Variants in SEMA3A observed in about 807,000 individuals in gnomAD.
The protein encoded by SEMA3A is semaphorin 3A.
In SEMA3A, 29 loss-of-function variants were observed where a neutral mutation model predicts 97.9. The observed-to-expected ratio is 0.30, with a 90% CI of 0.22 to 0.40. SEMA3A has a LOEUF of 0.40. Among genes scored for constraint, SEMA3A ranks in the 10% least tolerant of loss-of-function variants. The pLI, the probability that SEMA3A is intolerant of heterozygous loss-of-function variation, is 1.00. For synonymous variants in SEMA3A, 321 were observed against 323.7 expected (o/e 0.99, Z 0.09); for missense variants, 763 against 951.3 (o/e 0.80, Z 2.60).
chr7:84,032,891 TA>T (rs1362021100), intron 6 of SEMA3A, among the ~76,000 whole-genome samples: 60 of 151,948 alleles, frequency 3.9e-4, no homozygotes, highest in Non-Finnish European at 1.3e-4. Context: ...TACATAGCTA[TA>T]AAGTTTAAGG....
At chr7:84,427,552 C>G (rs572127705) in intron 1 of SEMA3A, among the ~76,000 whole-genome samples, 1 of 142,982 alleles carries the variant, frequency 7.0e-6, no homozygotes, top group South Asian at 2.2e-4. Context: ...GAGGCTGAGG[C>G]AGAACTGCTT....
intron 1 of SEMA3A, among the ~76,000 whole-genome samples, chr7:84,439,416 C>G (rs1805215524): frequency 6.6e-6 from 1 of 152,084 alleles, no homozygotes; most frequent in South Asian, 2.1e-4. Context: ...AGTAAAACTA[C>G]TGTGTTATTT....
intron 1 of SEMA3A, among the ~76,000 whole-genome samples, chr7:84,449,270 T>G (rs958265497): frequency 1.3e-5 from 2 of 152,080 alleles, no homozygotes; most frequent in Admixed American, 6.5e-5. Flanking sequence ...AACGTATAGA[T>G]GTAAAGAAAA....
At chr7:84,241,414 T>A (rs1456137055) in intron 3 of SEMA3A, among the ~76,000 whole-genome samples, 2 of 152,226 alleles carry the variant, frequency 1.3e-5, no homozygotes, top group Non-Finnish European at 2.9e-5. Flanking sequence ...TTTTGAGAAG[T>A]GTCTGCTCAT....
chr7:84,396,829 C>T (rs1803747154), intron 1 of SEMA3A, among the ~76,000 whole-genome samples: 1 of 151,888 alleles, frequency 6.6e-6, no homozygotes, highest in African/African-American at 2.4e-5. Flanking sequence ...TACTCTCATC[C>T]TCAGTTTCCT....
chr7:84,254,718 C>T (rs1287754077), intron 3 of SEMA3A, among the ~76,000 whole-genome samples: 1 of 152,082 alleles, frequency 6.6e-6, no homozygotes, highest in African/African-American at 2.4e-5. Context: ...TCTGTGTAAT[C>T]ACCACCCAGT....
chr7:84,037,145 AGTTTTTTT>A (rs1224059595), intron 6 of SEMA3A, among the ~76,000 whole-genome samples: 1 of 144,180 alleles, frequency 6.9e-6, no homozygotes, highest in East Asian at 2.4e-4. Flanking sequence ...CAAACAGCTA[AGTTTTTTT>A]TCTTTTTTTC....
At chr7:84,169,018 C>A (rs866097082) in intron 1 of SEMA3A, among the ~76,000 whole-genome samples, 3 of 151,636 alleles carry the variant, frequency 2.0e-5, no homozygotes, top group African/African-American at 7.3e-5. Context: ...TATAATTGAT[C>A]CTGAGTTGAG....
intron 1 of SEMA3A, among the ~76,000 whole-genome samples, chr7:84,144,006 T>C (rs958395984): frequency 3.4e-5 from 5 of 148,600 alleles, no homozygotes; most frequent in Non-Finnish European, 7.4e-5. Flanking sequence ...ATTTATTGTG[T>C]ATGCATTATC....
At chr7:84,201,265 G>C (rs940090056) in intron 3 of SEMA3A, among the ~76,000 whole-genome samples, 7 of 152,002 alleles carry the variant, frequency 4.6e-5, no homozygotes, top group Admixed American at 1.3e-4. Context: ...TGAGCTTGAA[G>C]CTGGTAAGAA....
intron 1 of SEMA3A, chr7:84,372,078 T>C (rs772250960): frequency 1.3e-5 from 2 of 152,096 alleles, no homozygotes; most frequent in East Asian, 3.9e-4. Context: ...TTAACCTCTT[T>C]GTTCTCTCAT....
intron 3 of SEMA3A, among the ~76,000 whole-genome samples, chr7:84,124,110 T>C (rs1795717002): frequency 6.6e-6 from 1 of 152,170 alleles, no homozygotes; most frequent in Non-Finnish European, 1.5e-5. Context: ...GTTTACTGTG[T>C]TGTCATAGCC....
chr7:84,126,324 A>C (rs1795791016), intron 3 of SEMA3A, among the ~76,000 whole-genome samples: 1 of 151,764 alleles, frequency 6.6e-6, no homozygotes, highest in Admixed American at 6.6e-5. Flanking sequence ...TCCTGCTTCA[A>C]CCTCCCCAGT....
rs570893227 is a variant in SEMA3A at position 84,432,679 on chromosome 7, G to T, written c.-246+59781C>A. Among the ~76,000 whole-genome samples the T allele has an allele frequency of 1.8e-4, 27 of 152,054 alleles. No individual in the cohort carries two copies. The South Asian group carries it at 2.3e-3, about 13-fold the overall frequency. ...CTGCATTAATTCACTTAGGATAATT[G>T]TCTCCAGCTTCATTCATGTTGCTGC... On this transcript the variant is annotated intron_variant, in intron 1 of 3. Transcript: ENST00000424555.
intron 4 of SEMA3A, among the ~76,000 whole-genome samples, chr7:84,106,122 A>G (rs1795102343): frequency 6.6e-6 from 1 of 152,182 alleles, no homozygotes; most frequent in Non-Finnish European, 1.5e-5. Context: ...CAGCTAAAGT[A>G]GATTTTGGAA....
At chr7:84,297,032 C>A (rs1003798172) in intron 3 of SEMA3A, among the ~76,000 whole-genome samples, 10 of 152,078 alleles carry the variant, frequency 6.6e-5, no homozygotes, top group Non-Finnish European at 1.5e-4. Flanking sequence ...GGCTGGAGTA[C>A]AATGGCACAA....
intron 1 of SEMA3A, among the ~76,000 whole-genome samples, chr7:84,174,788 T>C (rs1197567015): frequency 3.9e-5 from 6 of 152,202 alleles, no homozygotes; most frequent in African/African-American, 1.4e-4. Flanking sequence ...ATGTAGTCAA[T>C]ACGCTTAGAA....
At chr7:84,130,197 T>C (rs1354698392) in intron 2 of SEMA3A, among the ~76,000 whole-genome samples, 1 of 152,146 alleles carries the variant, frequency 6.6e-6, no homozygotes, top group Non-Finnish European at 1.5e-5. Context: ...TAATCATTCA[T>C]GTCTGCTGGA....
chr7:84,257,585 C>T (rs1180454435), intron 3 of SEMA3A, among the ~76,000 whole-genome samples: 2 of 152,132 alleles, frequency 1.3e-5, no homozygotes, highest in African/African-American at 2.4e-5. Context: ...TGTGTACCTG[C>T]TCTGAAACAT....
Sources: allele counts gnomAD v4.1 joint callset (sites outside exome capture counted in the v4.1 genomes callset), GRCh38; gene constraint gnomAD v4.1.1; transcripts MANE v1.5; gene names NCBI Gene and HGNC (gene_info 2026-07-23, HGNC 2026-07-21).